CAMK1D: variants seen among roughly 807,000 people sequenced by gnomAD.
CAMK1D encodes calcium/calmodulin dependent protein kinase ID.
CAMK1D carries 9 observed loss-of-function variants against 47.7 expected under a neutral mutation model. That is an observed-to-expected ratio of 0.19 (90% CI 0.11 to 0.33). The LOEUF is 0.33. Ranked by LOEUF, CAMK1D falls within the 10% of genes least tolerant of loss-of-function variation. The pLI is 1.00. For synonymous variants in CAMK1D, 184 were observed against 184.9 expected, an observed-to-expected ratio of 0.99 and a Z score of 0.04; for missense variants, 291 against 488.7, an observed-to-expected ratio of 0.60 and a Z score of 3.81.
chr10:12,680,705 G>C (rs1441272707), intron 3 of CAMK1D, among the ~76,000 whole-genome samples: 1 of 152,026 alleles, frequency 6.6e-6, no homozygotes, highest in Admixed American at 6.6e-5. Flanking sequence ...AGGCTCTCTG[G>C]TTCTGGGTTT....
At chr10:12,636,493 A>G (rs1333154695) in intron 2 of CAMK1D, among the ~76,000 whole-genome samples, 1 of 151,856 alleles carries the variant, frequency 6.6e-6, no homozygotes, top group Non-Finnish European at 1.5e-5. Flanking sequence ...ACACCAGGCT[A>G]TTTTTTGTAT....
intron 5 of CAMK1D, among the ~76,000 whole-genome samples, chr10:12,770,629 G>T (rs1836994997): frequency 6.6e-6 from 1 of 152,074 alleles, no homozygotes; most frequent in Admixed American, 6.5e-5. Flanking sequence ...AGCAAACAGG[G>T]TCATTTCAGA....
chr10:12,794,392 G>T (rs995681547), intron 6 of CAMK1D, among the ~76,000 whole-genome samples: 1 of 152,124 alleles, frequency 6.6e-6, no homozygotes, highest in African/African-American at 2.4e-5. Flanking sequence ...CATTAAGCTT[G>T]AGACCCTTGG....
chr10:12,725,631 C>T (rs889939843), intron 3 of CAMK1D, among the ~76,000 whole-genome samples: 3 of 152,214 alleles, frequency 2.0e-5, no homozygotes, highest in African/African-American at 7.2e-5. Context: ...TCTCTCATTT[C>T]GGCATCTTGC....
chr10:12,765,082 G>A, intron 4 of CAMK1D, among the ~76,000 whole-genome samples: 1 of 152,110 alleles, frequency 6.6e-6, no homozygotes, highest in Non-Finnish European at 1.5e-5. Flanking sequence ...GTGACAGAGA[G>A]AGACTCCATC....
chr10:12,717,859 A>C (rs1001402342), intron 3 of CAMK1D, among the ~76,000 whole-genome samples: 4 of 147,530 alleles, frequency 2.7e-5, no homozygotes, highest in African/African-American at 5.0e-5. Context: ...GCATCACTGC[A>C]CTCCAGCCTG....
intron 3 of CAMK1D, among the ~76,000 whole-genome samples, chr10:12,696,415 T>C (rs1306322563): frequency 6.6e-6 from 1 of 152,094 alleles, no homozygotes; most frequent in African/African-American, 2.4e-5. Flanking sequence ...CGTGCACCTG[T>C]AATCCCAGCT....
chr10:12,421,032 G>A (rs1053421574), intron 1 of CAMK1D, among the ~76,000 whole-genome samples: 2 of 152,156 alleles, frequency 1.3e-5, no homozygotes, highest in Non-Finnish European at 2.9e-5. Flanking sequence ...TCAGAGTCTT[G>A]CAGGCTGTAT....
At chr10:12,584,766 GC>G (rs2046479505) in intron 2 of CAMK1D, among the ~76,000 whole-genome samples, 1 of 152,072 alleles carries the variant, frequency 6.6e-6, no homozygotes, top group African/African-American at 2.4e-5. Context: ...GCTGCAGTGA[GC>G]AATGATCATG....
At chr10:12,677,739 A>G (rs1277994955) in intron 3 of CAMK1D, among the ~76,000 whole-genome samples, 1 of 152,086 alleles carries the variant, frequency 6.6e-6, no homozygotes, top group Admixed American at 6.6e-5. Flanking sequence ...GGCTGAGTCT[A>G]TGAGGGACTT....
chr10:12,672,915 T>A (rs1479727274), intron 3 of CAMK1D, among the ~76,000 whole-genome samples: 10 of 147,180 alleles, frequency 6.8e-5, no homozygotes, highest in Admixed American at 6.8e-4. Flanking sequence ...TTTTTTTTTT[T>A]AGTCAGAGTT....
At chr10:12,387,311 T>G (rs1158615055) in intron 1 of CAMK1D, among the ~76,000 whole-genome samples, 3 of 142,948 alleles carry the variant, frequency 2.1e-5, no homozygotes, top group African/African-American at 7.7e-5. Flanking sequence ...GTATAATATA[T>G]AATGGCTAAC....
At chr10:12,763,688 G>C (rs1836611927) in intron 4 of CAMK1D, among the ~76,000 whole-genome samples, 2 of 152,228 alleles carry the variant, frequency 1.3e-5, no homozygotes, top group Admixed American at 6.5e-5. Flanking sequence ...ATTGCCCCTA[G>C]TTGAGAATCA....
chr10:12,726,732 G>A (rs566783148), intron 3 of CAMK1D, among the ~76,000 whole-genome samples: 4 of 152,240 alleles, frequency 2.6e-5, no homozygotes, highest in African/African-American at 9.6e-5. Context: ...ACTTGCCTCA[G>A]TGACGGAGCT....
intron 1 of CAMK1D, among the ~76,000 whole-genome samples, chr10:12,429,543 T>C (rs1211077136): frequency 6.6e-6 from 1 of 152,134 alleles, no homozygotes; most frequent in Admixed American, 6.5e-5. Context: ...TTTTACCATA[T>C]TGGCCAGGCT....
chr10:12,380,242 G>T (rs1474242008), intron 1 of CAMK1D, among the ~76,000 whole-genome samples: 1 of 152,086 alleles, frequency 6.6e-6, no homozygotes, highest in African/African-American at 2.4e-5. Context: ...ATCGCTGATT[G>T]ATTGAACATC....
At chr10:12,458,706 T>C (rs1004385728) in intron 1 of CAMK1D, among the ~76,000 whole-genome samples, 1 of 152,152 alleles carries the variant, frequency 6.6e-6, no homozygotes, top group South Asian at 2.1e-4. Context: ...GTGTCAGGAT[T>C]ACAGGTGTGA....
chr10:12,353,068 G>A (rs1837399906), intron 1 of CAMK1D, among the ~76,000 whole-genome samples: 1 of 152,134 alleles, frequency 6.6e-6, no homozygotes, highest in Non-Finnish European at 1.5e-5. Context: ...GTGGTCCCCA[G>A]TTCAAGATGC....
chr10:12,520,094 C>T lies in CAMK1D; in HGVS notation c.93-33131C>T, dbSNP rs1413537783. Among the ~76,000 whole-genome samples the T allele has an allele frequency of 1.4e-3, 107 of 77,350 alleles. 1 individual carries two copies. The highest frequency in any genetic ancestry group is 2.9e-3 in the African/African-American group (53 of 18,586). The allele number at this position is 77,350 out of a possible 152,430, so 50.7% of individuals were successfully genotyped here. On this transcript the variant is annotated intron_variant, in intron 1 of 10. Coordinates refer to ENST00000619168, the MANE Select transcript of CAMK1D (RefSeq NM_153498.4). ...GACCCCCCCCCACCTCCCTCCCGGA[C>T]GGGGTGGCTGCCGGGCGGAGAGGCT...
Sources: gnomAD v4.1 joint callset for allele counts (sites outside exome capture counted in the v4.1 genomes callset) on GRCh38, gnomAD v4.1.1 for gene constraint, MANE v1.5 for transcripts, NCBI Gene and HGNC (gene_info 2026-07-23, HGNC 2026-07-21) for gene names.